CFAP20DC: variants seen among roughly 807,000 people sequenced by gnomAD.
The protein encoded by CFAP20DC is CFAP20 domain containing.
Under a neutral mutation model 101.7 loss-of-function variants are expected in CFAP20DC, and 84 were observed. The observed-to-expected ratio is 0.83, with a 90% CI of 0.69 to 0.99. The LOEUF (loss-of-function observed/expected upper bound fraction) is 0.99. Ranked by LOEUF, CFAP20DC falls within the 50% of genes least tolerant of loss-of-function variation. CFAP20DC has a pLI of 0.00. For missense variants in CFAP20DC, 1,007 were observed against 970.3 expected, an observed-to-expected ratio of 1.04 and a Z score of -0.50; for synonymous variants, 359 against 351.2, an observed-to-expected ratio of 1.02 and a Z score of -0.25.
intron 13 of CFAP20DC, among the ~76,000 whole-genome samples, chr3:58,840,162 T>C (rs1247941923): frequency 6.6e-6 from 1 of 152,204 alleles, no homozygotes; most frequent in East Asian, 1.9e-4. Context: ...GTTTCAGCAA[T>C]ATCCCCAGCA....
intron 6 of CFAP20DC, among the ~76,000 whole-genome samples, chr3:58,891,274 C>T (rs1160517441): frequency 1.3e-5 from 2 of 151,376 alleles, no homozygotes; most frequent in Non-Finnish European, 3.0e-5. Flanking sequence ...ACCAGTCAGG[C>T]GTGGCGGCGC....
chr3:58,972,043 T>C (rs1318355925), intron 4 of CFAP20DC, among the ~76,000 whole-genome samples: 1 of 152,120 alleles, frequency 6.6e-6, no homozygotes, highest in Non-Finnish European at 1.5e-5. Context: ...AAAAAAGCAA[T>C]GATTAGTGGT....
intron 4 of CFAP20DC, among the ~76,000 whole-genome samples, chr3:58,993,525 A>G (rs764580434): frequency 6.6e-6 from 1 of 152,052 alleles, no homozygotes; most frequent in Non-Finnish European, 1.5e-5. Flanking sequence ...AGAACATCCC[A>G]TCACCTAGGT....
At chr3:58,794,719 A>C (rs1463227425) in intron 15 of CFAP20DC, among the ~76,000 whole-genome samples, 1 of 152,228 alleles carries the variant, frequency 6.6e-6, no homozygotes, top group Non-Finnish European at 1.5e-5. Context: ...CAGGCTCAGT[A>C]GATGCTCCAA....
At chr3:59,023,162 T>TG (rs2093833577) in intron 4 of CFAP20DC, among the ~76,000 whole-genome samples, 1 of 152,036 alleles carries the variant, frequency 6.6e-6, no homozygotes, top group African/African-American at 2.4e-5. Flanking sequence ...CTCTTGTTTT[T>TG]TTTTTTTGTT....
intron 4 of CFAP20DC, among the ~76,000 whole-genome samples, chr3:59,035,502 A>G (rs1001184450): frequency 3.9e-5 from 6 of 152,218 alleles, no homozygotes; most frequent in African/African-American, 1.4e-4. Context: ...AAAAAAGGAT[A>G]AAGGGGATTT....
At chr3:58,952,007 G>A (rs992949015) in intron 4 of CFAP20DC, among the ~76,000 whole-genome samples, 2 of 152,160 alleles carry the variant, frequency 1.3e-5, no homozygotes, top group Non-Finnish European at 2.9e-5. Flanking sequence ...TGAGTGCCCC[G>A]AAAGGCTGGG....
chr3:58,966,082 T>G (rs1235335251), intron 4 of CFAP20DC, among the ~76,000 whole-genome samples: 1 of 152,180 alleles, frequency 6.6e-6, no homozygotes, highest in Non-Finnish European at 1.5e-5. Flanking sequence ...TACAGGGCCT[T>G]GGGGCTGGCA....
intron 15 of CFAP20DC, among the ~76,000 whole-genome samples, chr3:58,774,529 C>A (rs1383461366): frequency 6.6e-6 from 1 of 152,190 alleles, no homozygotes; most frequent in Non-Finnish European, 1.5e-5. Context: ...AAAAAATCAA[C>A]TACCTGGAAA....
intron 6 of CFAP20DC, among the ~76,000 whole-genome samples, chr3:58,907,942 A>G (rs1266615880): frequency 1.3e-5 from 2 of 152,218 alleles, no homozygotes; most frequent in Non-Finnish European, 2.9e-5. Context: ...GGCTACATTC[A>G]TAAGGTTTCT....
chr3:58,978,284 T>C (rs1388576567), intron 4 of CFAP20DC, among the ~76,000 whole-genome samples: 2 of 152,162 alleles, frequency 1.3e-5, no homozygotes, highest in Admixed American at 6.5e-5. Flanking sequence ...CTTCCCATCT[T>C]CTTTCTACGC....
At chr3:58,895,873 A>C (rs529271733) in intron 6 of CFAP20DC, among the ~76,000 whole-genome samples, 71 of 152,304 alleles carry the variant, frequency 4.7e-4, no homozygotes, top group African/African-American at 1.7e-3. Context: ...GCACGCAAAG[A>C]GAGTTTGTCT....
intron 7 of CFAP20DC, among the ~76,000 whole-genome samples, chr3:58,883,040 C>T (rs2081341605): frequency 3.3e-5 from 5 of 152,072 alleles, no homozygotes; most frequent in African/African-American, 1.2e-4. Flanking sequence ...GAAAATATCC[C>T]AAGAATAAAT....
chr3:58,957,875 C>A (rs1292760126), intron 4 of CFAP20DC, among the ~76,000 whole-genome samples: 1 of 151,858 alleles, frequency 6.6e-6, no homozygotes, highest in Non-Finnish European at 1.5e-5. Flanking sequence ...GTGGTGAGGA[C>A]ATGGGAATGG....
intron 7 of CFAP20DC, among the ~76,000 whole-genome samples, chr3:58,872,931 G>A (rs890811209): frequency 6.7e-6 from 1 of 149,964 alleles, no homozygotes; most frequent in Non-Finnish European, 1.5e-5. Context: ...TCTGGATACT[G>A]TCAGGCAGGT....
intron 15 of CFAP20DC, among the ~76,000 whole-genome samples, chr3:58,794,481 C>T (rs577367360): frequency 4.6e-5 from 7 of 152,190 alleles, no homozygotes; most frequent in South Asian, 2.1e-4. Context: ...TTATACTGAG[C>T]GGGTTTTTAT....
At chr3:59,009,939 T>G (rs1645943472) in intron 4 of CFAP20DC, among the ~76,000 whole-genome samples, 1 of 152,148 alleles carries the variant, frequency 6.6e-6, no homozygotes, top group Admixed American at 6.5e-5. Context: ...AGCCAAGAAT[T>G]TTGTATCTGG....
chr3:58,930,797 G>A (rs1048270909), intron 5 of CFAP20DC, among the ~76,000 whole-genome samples: 9 of 151,996 alleles, frequency 5.9e-5, no homozygotes, highest in Middle Eastern at 6.8e-3. Flanking sequence ...CAGCCAAGAT[G>A]GCCGAATAGG....
intron 14 of CFAP20DC, among the ~76,000 whole-genome samples, chr3:58,821,437 C>G (rs1436813556): frequency 5.9e-5 from 9 of 152,066 alleles, no homozygotes; most frequent in Non-Finnish European, 1.2e-4. Context: ...TGAACACAAA[C>G]AAATTCACAA....
Sources: allele counts gnomAD v4.1 joint callset (sites outside exome capture counted in the v4.1 genomes callset), GRCh38; gene constraint gnomAD v4.1.1; transcripts MANE v1.5; gene names NCBI Gene and HGNC (gene_info 2026-07-23, HGNC 2026-07-21).